Variants in DACH2 observed in about 807,000 individuals in gnomAD.
The protein encoded by DACH2 is dachshund family transcription factor 2.
A neutral mutation model predicts 35.8 loss-of-function variants in DACH2; 17 were observed. The ratio of observed to expected loss-of-function variants is 0.48; its 90% CI spans 0.33 to 0.71. The LOEUF (loss-of-function observed/expected upper bound fraction) is 0.71, where lower values mean the gene tolerates loss of function less well. Among genes scored for constraint, DACH2 ranks in the 30% least tolerant of loss-of-function variants. The pLI, the probability that DACH2 is intolerant of heterozygous loss-of-function variation, is 0.02. For missense variants in DACH2, 469 were observed against 472.7 expected (o/e 0.99, Z 0.07); for synonymous variants, 195 against 177.3 (o/e 1.10, Z -0.79).
At chrX:86,542,452 C>A (rs754739523) in intron 3 of DACH2, among the ~76,000 whole-genome samples, 72 of 111,183 alleles carry the variant, frequency 6.5e-4, no homozygotes, top group African/African-American at 2.1e-3. Flanking sequence ...TCAGGGCAAC[C>A]TTTGGGGTGC....
rs970944670 is a variant in DACH2 at position 86,363,298 on chromosome X, C to A, written c.489-13526C>A. ...TAGCAATTAGAGAAAGATAAATTGA[C>A]CTTATGCTTCATTGTTACTTTTCAG... On this transcript the variant is annotated intron_variant, in intron 1 of 11. Transcript: ENST00000373125. Among the ~76,000 whole-genome samples the A allele has an allele frequency of 2.7e-5, 3 of 110,732 alleles. No individual in the cohort carries two copies. In the East Asian group the frequency reaches 8.5e-4, roughly 31 times the overall value.
At chrX:86,368,564 C>T (rs892219478) in intron 1 of DACH2, among the ~76,000 whole-genome samples, 5 of 84,345 alleles carry the variant, frequency 5.9e-5, no homozygotes, top group Admixed American at 5.6e-4. Flanking sequence ...CTTTCTTCTT[C>T]TTTTTTTTTT....
intron 1 of DACH2, among the ~76,000 whole-genome samples, chrX:86,349,551 T>C (rs1416382295): frequency 1.8e-5 from 2 of 112,345 alleles, no homozygotes; most frequent in Non-Finnish European, 3.8e-5. Flanking sequence ...CGTGCCCTTC[T>C]CCTCCCAGCA....
At chrX:86,807,405 A>G (rs2042355002) in intron 7 of DACH2, among the ~76,000 whole-genome samples, 1 of 111,652 alleles carries the variant, frequency 9.0e-6, no homozygotes, top group South Asian at 3.7e-4. Context: ...AACTTTATAG[A>G]TAAAGAAACT....
intron 1 of DACH2, among the ~76,000 whole-genome samples, chrX:86,208,445 G>A (rs891945674): frequency 9.0e-6 from 1 of 111,091 alleles, no homozygotes; most frequent in Non-Finnish European, 1.9e-5. Context: ...TTTACCTTCT[G>A]TAAAATATGG....
At chrX:86,685,794 T>C (rs1470117066) in intron 4 of DACH2, among the ~76,000 whole-genome samples, 1 of 110,311 alleles carries the variant, frequency 9.1e-6, no homozygotes, top group Non-Finnish European at 1.9e-5. Context: ...TAATTAAATC[T>C]TGCAAGAATT....
intron 1 of DACH2, among the ~76,000 whole-genome samples, chrX:86,344,020 T>A (rs1425310492): frequency 9.1e-6 from 1 of 110,036 alleles, no homozygotes; most frequent in Non-Finnish European, 1.9e-5. Flanking sequence ...GTAACTAAAG[T>A]CAATAATGAC....
At chrX:86,282,258 C>A (rs987853186) in intron 1 of DACH2, among the ~76,000 whole-genome samples, 5 of 111,620 alleles carry the variant, frequency 4.5e-5, no homozygotes, top group Non-Finnish European at 9.4e-5. Context: ...AACTATACTA[C>A]AAGGCTACAG....
intron 2 of DACH2, among the ~76,000 whole-genome samples, chrX:86,469,521 A>T (rs2037728974): frequency 9.0e-6 from 1 of 111,090 alleles, no homozygotes. Flanking sequence ...TTATAATTTG[A>T]TATTGTCTAG....
At chrX:86,645,703 C>T (rs1284932720) in intron 3 of DACH2, among the ~76,000 whole-genome samples, 4 of 110,943 alleles carry the variant, frequency 3.6e-5, no homozygotes, top group Admixed American at 9.6e-5. Context: ...ATATACCCTA[C>T]GGAATATTAT....
chrX:86,232,536 A>G (rs1432875151), intron 1 of DACH2, among the ~76,000 whole-genome samples: 1 of 112,235 alleles, frequency 8.9e-6, no homozygotes, highest in African/African-American at 3.2e-5. Flanking sequence ...AGGGCAAAGG[A>G]CATGAATGAA....
At chrX:86,345,963 G>A (rs1015159431) in intron 1 of DACH2, among the ~76,000 whole-genome samples, 1 of 112,025 alleles carries the variant, frequency 8.9e-6, no homozygotes, top group African/African-American at 3.2e-5. Context: ...AATTGAAAAT[G>A]ATGATTGTGA....
chrX:86,411,044 A>G (rs1027836486), intron 2 of DACH2, among the ~76,000 whole-genome samples: 1 of 92,337 alleles, frequency 1.1e-5, no homozygotes, highest in African/African-American at 3.9e-5. Flanking sequence ...ATATATGTAT[A>G]TATGTAAAGG....
At chrX:86,726,578 G>A (rs1481089915) in intron 6 of DACH2, among the ~76,000 whole-genome samples, 2 of 111,665 alleles carry the variant, frequency 1.8e-5, no homozygotes, top group Non-Finnish European at 3.8e-5. Context: ...CTGCCTTGGG[G>A]CAGGATCTAG....
intron 3 of DACH2, among the ~76,000 whole-genome samples, chrX:86,565,329 T>C (rs1296200710): frequency 9.0e-6 from 1 of 111,710 alleles, no homozygotes; most frequent in Non-Finnish European, 1.9e-5. Flanking sequence ...TTTATTTCTA[T>C]TAACATGTCT....
chrX:86,825,974 C>T (rs148234349), intron 11 of DACH2, among the ~76,000 whole-genome samples: 14,656 of 111,384 alleles, frequency 0.13, 876 homozygotes, highest in South Asian at 0.39. Context: ...AAGTTAGATA[C>T]ATACTATCTG....
chrX:86,254,862 GA>G (rs1433468656), intron 1 of DACH2, among the ~76,000 whole-genome samples: 1 of 94,192 alleles, frequency 1.1e-5, no homozygotes, highest in Non-Finnish European at 2.1e-5. Context: ...AAAAATTGCA[GA>G]AAGTACATTT....
intron 7 of DACH2, among the ~76,000 whole-genome samples, chrX:86,808,310 G>A: frequency 8.9e-6 from 1 of 112,018 alleles, no homozygotes; most frequent in Non-Finnish European, 1.9e-5. Flanking sequence ...GCTAATCTAA[G>A]GATCCACAGC....
chrX:86,652,437 A>G (rs1394697705), intron 4 of DACH2, among the ~76,000 whole-genome samples: 1 of 112,216 alleles, frequency 8.9e-6, no homozygotes, highest in Non-Finnish European at 1.9e-5. Flanking sequence ...TGGTAGAACA[A>G]TTTATATTCC....
Sources: allele counts gnomAD v4.1 joint callset (sites outside exome capture counted in the v4.1 genomes callset), GRCh38; gene constraint gnomAD v4.1.1; transcripts MANE v1.5; gene names NCBI Gene and HGNC (gene_info 2026-07-23, HGNC 2026-07-21).